KAZN: variants seen among roughly 807,000 people sequenced by gnomAD.
KAZN encodes kazrin.
Under a neutral mutation model 87.4 loss-of-function variants are expected in KAZN, and 40 were observed. The ratio of observed to expected loss-of-function variants is 0.46; its 90% CI spans 0.36 to 0.60. The LOEUF is 0.60. Ranked by LOEUF, KAZN falls within the 20% of genes least tolerant of loss-of-function variation. The pLI is 0.00. For synonymous variants in KAZN, 466 were observed against 458.3 expected, an observed-to-expected ratio of 1.02 and a Z score of -0.22; for missense variants, 898 against 1,073.9, an observed-to-expected ratio of 0.84 and a Z score of 2.29.
chr1:14,903,059 G>A (rs556867036), intron 1 of KAZN, among the ~76,000 whole-genome samples: 1 of 151,778 alleles, frequency 6.6e-6, no homozygotes, highest in Non-Finnish European at 1.5e-5. Context: ...AGTAGAGATG[G>A]AGTTTCACCA....
chr1:14,132,426 G>A (rs770502027), intron 1 of KAZN, among the ~76,000 whole-genome samples: 5 of 152,222 alleles, frequency 3.3e-5, no homozygotes, highest in Non-Finnish European at 7.3e-5. Flanking sequence ...GAGGGATACA[G>A]AAAGTGACTG....
intron 1 of KAZN, among the ~76,000 whole-genome samples, chr1:14,604,367 C>T (rs1677201408): frequency 6.6e-6 from 1 of 152,168 alleles, no homozygotes; most frequent in Non-Finnish European, 1.5e-5. Context: ...TTCTGCTGAC[C>T]CCTGTCACCA....
chr1:15,112,899 G>A (rs776238810), intron 14 of KAZN: 1 of 218,274 alleles, frequency 4.6e-6, no homozygotes, highest in Non-Finnish European at 9.3e-6. Flanking sequence ...CATTCAGCTA[G>A]GCTGCCCAGA....
chr1:14,939,920 C>T (rs1660861993), intron 1 of KAZN, among the ~76,000 whole-genome samples: 1 of 152,170 alleles, frequency 6.6e-6, no homozygotes, highest in Non-Finnish European at 1.5e-5. Flanking sequence ...TCAGGCTCAG[C>T]CTCAGGAGTG....
intron 2 of KAZN, among the ~76,000 whole-genome samples, chr1:14,483,829 T>C (rs1440496791): frequency 6.6e-6 from 1 of 152,198 alleles, no homozygotes; most frequent in Non-Finnish European, 1.5e-5. Flanking sequence ...GATCAAAAAA[T>C]CATTGCTCTG....
rs938542166 is a variant in KAZN at position 14,828,005 on chromosome 1, G to A, written c.227-132679G>A. ...TTAAATAACATTGCTGGAAACAGAG[G>A]TCCAATGCTTAAGCCAGAGATGACA... On this transcript the variant is annotated intron_variant, in intron 1 of 14. Coordinates refer to ENST00000376030, the MANE Select transcript of KAZN (RefSeq NM_201628.3). 2.6e-5 allele frequency among the ~76,000 whole-genome samples: 4 copies of A among 152,220 alleles called. No individual in the cohort carries two copies. In the East Asian group the frequency reaches 7.7e-4, roughly 29 times the overall value.
intron 1 of KAZN, among the ~76,000 whole-genome samples, chr1:14,943,019 TG>T: frequency 2.1e-5 from 2 of 95,892 alleles, no homozygotes; most frequent in African/African-American, 8.9e-5. Flanking sequence ...TGTGTGTGTG[TG>T]TGTGTGTGTG....
rs948513872 is a variant in KAZN, at chr1:15,068,181, A to G, written c.1222+2428A>G. The G allele has an allele frequency of 1.0e-5, 8 of 802,894 alleles. No individual in the cohort carries two copies. In the East Asian group the frequency reaches 1.0e-3, roughly 102 times the overall value. 49.7% of individuals were successfully genotyped at this position (802,894 alleles called of 1,614,324 possible). ...AATTCTATGTTATTTGATTGCTTCT[A>G]TTTGGCTCCGGGTGGGAGGCTCTGC... On this transcript the variant is annotated intron_variant, in intron 8 of 14. Coordinates refer to ENST00000376030, the MANE Select transcript of KAZN (RefSeq NM_201628.3).
chr1:13,941,098 G>C (rs79817419), intron 1 of KAZN, among the ~76,000 whole-genome samples: 14,765 of 152,174 alleles, frequency 0.097, 984 homozygotes, highest in South Asian at 0.21. Flanking sequence ...GGAGGCTGAG[G>C]GGGAGAGAAT....
intron 1 of KAZN, among the ~76,000 whole-genome samples, chr1:13,981,102 T>C (rs893491795): frequency 2.3e-5 from 3 of 132,192 alleles, no homozygotes; most frequent in African/African-American, 8.4e-5. Flanking sequence ...TATATATATA[T>C]ATATATATGT....
In KAZN at chr1:14,339,628, G is replaced by C. The variant is rs76749483; in HGVS notation, c.249+159036G>C. On this transcript the variant is annotated intron_variant, in intron 2 of 16. Coordinates refer to the KAZN transcript ENST00000636203. ...AGGAGAAATTTCCTCTTTTATGTGT[G>C]GGGGGAAGTCAGCCTTTTGTTTTAT... Among the ~76,000 whole-genome samples the C allele has an allele frequency of 6.8e-3, 1,029 of 152,222 alleles. 13 individuals are homozygous for C. The highest frequency in any genetic ancestry group is 0.023 in the African/African-American group (955 of 41,520).
At chr1:14,518,598 T>C (rs1252160661) in intron 2 of KAZN, among the ~76,000 whole-genome samples, 1 of 152,198 alleles carries the variant, frequency 6.6e-6, no homozygotes, top group Non-Finnish European at 1.5e-5. Context: ...TCTACAATAT[T>C]TGGGCTGATG....
rs540794936 is a variant in KAZN at position 14,888,443 on chromosome 1, G to A, written c.227-72241G>A. The stretch of plus-strand genomic sequence containing the variant: ...TAGGAGGCTCCAATCAGCCCTCTAC[G>A]TGCATTTATCTTCAAAGCTCTTTCC... On this transcript the variant is annotated intron_variant, in intron 1 of 14. Coordinates refer to ENST00000376030, the MANE Select transcript of KAZN (RefSeq NM_201628.3). Among the ~76,000 whole-genome samples the A allele has an allele frequency of 5.3e-5, 8 of 152,268 alleles. No individual in the cohort carries two copies. The South Asian group carries it at 1.0e-3, about 20-fold the overall frequency.
At chr1:14,711,023 C>CA in intron 1 of KAZN, among the ~76,000 whole-genome samples, 1 of 151,728 alleles carries the variant, frequency 6.6e-6, no homozygotes, top group East Asian at 1.9e-4. Flanking sequence ...ACTATCTCCA[C>CA]AAAAAAATTA....
Position 15,060,110 on chromosome 1 carries a change from A to C in KAZN, c.917-62A>C, listed in dbSNP as rs41269407. 8,401 of 1,598,170 alleles carry C rather than the reference A, an allele frequency of 5.3e-3. 72 individuals are homozygous for C. Among genetic ancestry groups the C allele is most frequent in the East Asian group, 0.03 (1,324 of 44,570 alleles). ...GGGGGTGTTGGGTGGAATAACCGCC[A>C]AGGCAGCACAGGCGAGGACGTTCTC... On this transcript the variant is annotated intron_variant, in intron 5 of 14. Coordinates refer to ENST00000376030, the MANE Select transcript of KAZN (RefSeq NM_201628.3).
chr1:14,478,246 AAAAG>A (rs1165795280), intron 2 of KAZN, among the ~76,000 whole-genome samples: 1 of 96,128 alleles, frequency 1.0e-5, no homozygotes, highest in African/African-American at 4.2e-5. Context: ...GGAAGGAAGG[AAAAG>A]AAGGAAGGAA....
At chr1:14,517,413 G>A (rs553959828) in intron 2 of KAZN, among the ~76,000 whole-genome samples, 56 of 152,266 alleles carry the variant, frequency 3.7e-4, no homozygotes, top group African/African-American at 1.2e-3. Context: ...AGCCACACCC[G>A]AAGCTAAATC....
intron 1 of KAZN, among the ~76,000 whole-genome samples, chr1:14,891,771 A>G (rs1313206333): frequency 6.6e-6 from 1 of 152,118 alleles, no homozygotes; most frequent in Admixed American, 6.5e-5. Context: ...GGTGATTTAT[A>G]CTTTTTTTTT....
At chr1:14,940,399 TGAGGATC>T (rs1660919888) in intron 1 of KAZN, among the ~76,000 whole-genome samples, 1 of 152,228 alleles carries the variant, frequency 6.6e-6, no homozygotes, top group African/African-American at 2.4e-5. Flanking sequence ...GCCCTACACT[TGAGGATC>T]TTACACACTG....
Sources: gnomAD v4.1 joint callset for allele counts (sites outside exome capture counted in the v4.1 genomes callset) on GRCh38, gnomAD v4.1.1 for gene constraint, MANE v1.5 for transcripts, NCBI Gene and HGNC (gene_info 2026-07-23, HGNC 2026-07-21) for gene names.